The following SAMD12 variants were observed in gnomAD, a reference collection of about 807,000 sequenced individuals.
SAMD12 encodes sterile alpha motif domain-containing protein 12.
In SAMD12, 9 loss-of-function variants were observed where a neutral mutation model predicts 15.0. That is an observed-to-expected ratio of 0.60 (90% CI 0.36 to 1.05). SAMD12 has a LOEUF of 1.05. SAMD12 is among the 50% of genes least tolerant of loss of function. SAMD12 has a pLI of 0.01. For synonymous variants in SAMD12, 86 were observed against 90.1 expected, an observed-to-expected ratio of 0.96 and a Z score of 0.25; for missense variants, 230 against 234.2, an observed-to-expected ratio of 0.98 and a Z score of 0.12.
intron 3 of SAMD12, among the ~76,000 whole-genome samples, chr8:118,383,080 G>T (rs1346890575): frequency 1.3e-5 from 2 of 152,054 alleles, no homozygotes; most frequent in Non-Finnish European, 2.9e-5. Context: ...TTTTGATGAG[G>T]TATCAAGGAA....
chr8:118,200,403 C>CAAAAAAAAAAAAA (rs35465667), intron 4 of SAMD12, among the ~76,000 whole-genome samples: 1 of 114,220 alleles, frequency 8.8e-6, no homozygotes, highest in Non-Finnish European at 1.8e-5. Context: ...ATTAGAGTAC[C>CAAAAAAAAAAAAA]AAAAAAAAAA....
At chr8:118,440,658 ACACACACAC>A (rs1186301661) in intron 2 of SAMD12, among the ~76,000 whole-genome samples, 1 of 3,164 alleles carries the variant, frequency 3.2e-4, no homozygotes, top group East Asian at 0.045. Flanking sequence ...TATGAGGAAA[ACACACACAC>A]ACACACACAC....
At chr8:118,597,899 G>C (rs1827763248) in intron 1 of SAMD12, among the ~76,000 whole-genome samples, 1 of 152,198 alleles carries the variant, frequency 6.6e-6, no homozygotes, top group African/African-American at 2.4e-5. Flanking sequence ...TAAGTCTTAA[G>C]AGCAGGGACC....
Position 118,378,691 on chromosome 8 carries a change from C to G in SAMD12, c.*726G>C, listed in dbSNP as rs1819509286. 1 of 984,888 alleles carries G rather than the reference C, an allele frequency of 1.0e-6. No individual in the cohort carries two copies. The highest frequency in any genetic ancestry group is 1.2e-6 in the Non-Finnish European group (1 of 829,518). 61.0% of individuals were successfully genotyped at this position (984,888 alleles called of 1,614,324 possible). A position where few individuals can be genotyped will look rare whatever the true frequency, so the allele number is the denominator to read the frequency against. On this transcript the variant is annotated 3_prime_UTR_variant, in exon 4 of 4. Coordinates refer to ENST00000314727, the MANE Select transcript of SAMD12 (RefSeq NM_207506.3). ...TCTCAAAAACACATATTTTATCATC[C>G]TTTCATTTAAAACGATGTACAATGG...
chr8:118,298,989 C>T (rs1814873847), intron 4 of SAMD12, among the ~76,000 whole-genome samples: 1 of 151,902 alleles, frequency 6.6e-6, no homozygotes, highest in Non-Finnish European at 1.5e-5. Flanking sequence ...AATCTTTGGG[C>T]TTTGGTTTCA....
intron 2 of SAMD12, among the ~76,000 whole-genome samples, chr8:118,541,951 A>G (rs887941743): frequency 6.6e-6 from 1 of 152,184 alleles, no homozygotes; most frequent in African/African-American, 2.4e-5. Flanking sequence ...TCTCCTGAGT[A>G]GCTGGGATTA....
At chr8:118,548,101 T>C (rs1044092693) in intron 2 of SAMD12, among the ~76,000 whole-genome samples, 2 of 152,116 alleles carry the variant, frequency 1.3e-5, no homozygotes, top group Non-Finnish European at 2.9e-5. Flanking sequence ...AGTGAGAGAA[T>C]AGACAAAGAA....
chr8:118,260,093 C>T (rs1026506269), intron 4 of SAMD12, among the ~76,000 whole-genome samples: 1 of 152,076 alleles, frequency 6.6e-6, no homozygotes, highest in Non-Finnish European at 1.5e-5. Context: ...GTAGCTTATA[C>T]TTGCGTATTA....
At chr8:118,209,883 A>G (rs1819969757) in intron 4 of SAMD12, among the ~76,000 whole-genome samples, 1 of 152,008 alleles carries the variant, frequency 6.6e-6, no homozygotes, top group African/African-American at 2.4e-5. Flanking sequence ...TGTGGCCAAT[A>G]CCCTGGAGAG....
intron 2 of SAMD12, among the ~76,000 whole-genome samples, chr8:118,453,666 G>A (rs1045781043): frequency 4.6e-5 from 7 of 151,962 alleles, no homozygotes; most frequent in Non-Finnish European, 1.0e-4. Flanking sequence ...GACTACAGGT[G>A]CATGCCCCCA....
intron 2 of SAMD12, among the ~76,000 whole-genome samples, chr8:118,535,104 G>A (rs1257029848): frequency 6.6e-6 from 1 of 152,200 alleles, no homozygotes; most frequent in Non-Finnish European, 1.5e-5. Context: ...GGTCTTTGAT[G>A]ATGAGGTACA....
At chr8:118,427,196 C>T (rs150689801) in intron 3 of SAMD12, among the ~76,000 whole-genome samples, 5 of 152,260 alleles carry the variant, frequency 3.3e-5, no homozygotes, top group Non-Finnish European at 7.4e-5. Context: ...AAAACCAAAT[C>T]CATCCATCCA....
intron 4 of SAMD12, among the ~76,000 whole-genome samples, chr8:118,315,204 T>C (rs377420300): frequency 6.6e-6 from 1 of 152,310 alleles, no homozygotes; most frequent in African/African-American, 2.4e-5. Context: ...TGCTGTTAAT[T>C]TCTCAACTGC....
rs75469179 is a variant in SAMD12 at position 118,367,883 on chromosome 8, A to T, written c.433+11677T>A. Reference sequence around the variant, plus strand: ...TTTTCTACCATGAACAATGTAACAGACAAGAATCATGAGTCCATGTCAAGC... The same window carrying T: ...TTTTCTACCATGAACAATGTAACAGTCAAGAATCATGAGTCCATGTCAAGC... On this transcript the variant is annotated intron_variant, in intron 4 of 4. Transcript: ENST00000409003. Among the ~76,000 whole-genome samples the T allele has an allele frequency of 8.1e-3, 1,235 of 152,318 alleles. 18 individuals carry two copies. Among genetic ancestry groups the T allele is most frequent in the African/African-American group, 0.028 (1,177 of 41,572 alleles).
intron 4 of SAMD12, chr8:118,291,236 C>T (rs1304795555): frequency 1.3e-5 from 2 of 152,142 alleles, no homozygotes; most frequent in African/African-American, 4.8e-5. Context: ...AGGAAAAACC[C>T]TCAACTTCTT....
chr8:118,601,728 T>G (rs1827870901), intron 1 of SAMD12, among the ~76,000 whole-genome samples: 1 of 152,188 alleles, frequency 6.6e-6, no homozygotes, highest in East Asian at 1.9e-4. Flanking sequence ...TGAGCCTGTT[T>G]AGTTTGGCAG....
At chr8:118,506,933 A>C (rs898857160) in intron 2 of SAMD12, among the ~76,000 whole-genome samples, 1 of 151,958 alleles carries the variant, frequency 6.6e-6, no homozygotes, top group African/African-American at 2.4e-5. Context: ...TAGTACTGTC[A>C]CTCATGGGAG....
At chr8:118,264,082 A>G (rs1277940589) in intron 4 of SAMD12, among the ~76,000 whole-genome samples, 1 of 151,986 alleles carries the variant, frequency 6.6e-6, no homozygotes, top group African/African-American at 2.4e-5. Flanking sequence ...CAACTTTCTT[A>G]CTCTATTTCT....
intron 4 of SAMD12, among the ~76,000 whole-genome samples, chr8:118,249,265 T>C (rs1222169493): frequency 2.0e-5 from 3 of 152,182 alleles, no homozygotes; most frequent in Admixed American, 1.3e-4. Flanking sequence ...TAAAAAGTAC[T>C]CTTCCATTAC....
Sources: allele counts gnomAD v4.1 joint callset (sites outside exome capture counted in the v4.1 genomes callset), GRCh38; gene constraint gnomAD v4.1.1; transcripts MANE v1.5; gene names NCBI Gene and HGNC (gene_info 2026-07-23, HGNC 2026-07-21).